Variants in ZNF407 observed in about 807,000 individuals in gnomAD.
ZNF407 encodes zinc finger protein 407.
In ZNF407, 17 loss-of-function variants were observed where a neutral mutation model predicts 131.2. The observed-to-expected ratio is 0.13, with a 90% CI of 0.09 to 0.19. ZNF407 has a LOEUF of 0.19. Ranked by LOEUF, ZNF407 falls within the 10% of genes least tolerant of loss-of-function variation. The pLI is 1.00. For synonymous variants in ZNF407, 1,156 were observed against 1,062.0 expected (o/e 1.09, Z -1.72); for missense variants, 2,681 against 2,830.6 (o/e 0.95, Z 1.20).
intron 1 of ZNF407, among the ~76,000 whole-genome samples, chr18:74,614,658 C>A (rs1316375073): frequency 6.6e-6 from 1 of 152,126 alleles, no homozygotes. Flanking sequence ...CTATCCCAAA[C>A]TTTCTTAATC....
chr18:74,781,515 CT>C lies in ZNF407; in HGVS notation c.4877+22del, dbSNP rs757680979. 296 of 1,460,618 alleles carry C rather than the reference CT, an allele frequency of 2.0e-4. No individual in the cohort carries two copies. Among genetic ancestry groups the C allele is most frequent in the Middle Eastern group, 1.2e-3 (7 of 5,616 alleles). The allele number at this position is 1,460,618 out of a possible 1,614,324, so 90.5% of individuals were successfully genotyped here. A position where few individuals can be genotyped will look rare whatever the true frequency, so the allele number is the denominator to read the frequency against. On this transcript the variant is annotated intron_variant, in intron 4 of 8. Coordinates refer to ENST00000299687, the MANE Select transcript of ZNF407 (RefSeq NM_017757.3). ...CCCCAAAAGAAAGGTAATTTTCATT[CT>C]TTTTTTTTCATTTAAAAATACAATT...
chr18:74,711,508 G>A (rs771432048), intron 3 of ZNF407, among the ~76,000 whole-genome samples: 9 of 152,192 alleles, frequency 5.9e-5, no homozygotes, highest in Non-Finnish European at 1.3e-4. Flanking sequence ...GAGCCAGCAA[G>A]TGTGGGGGAC....
At chr18:74,630,393 G>C (rs757600229) in intron 1 of ZNF407, among the ~76,000 whole-genome samples, 2 of 152,100 alleles carry the variant, frequency 1.3e-5, no homozygotes, top group South Asian at 2.1e-4. Context: ...GGATGGTCTC[G>C]ATCTCCTGAC....
chr18:74,850,786 C>T (rs890310464), intron 4 of ZNF407, among the ~76,000 whole-genome samples: 7 of 152,166 alleles, frequency 4.6e-5, no homozygotes, highest in Non-Finnish European at 1.5e-5. Flanking sequence ...CACTGACCTT[C>T]GTGTTCCGTA....
chr18:74,945,126 T>G (rs1165893139), intron 8 of ZNF407, among the ~76,000 whole-genome samples: 4 of 151,954 alleles, frequency 2.6e-5, no homozygotes. Context: ...TTAACCCGGG[T>G]AGAAGTGTAT....
intron 3 of ZNF407, among the ~76,000 whole-genome samples, chr18:74,759,034 G>A (rs536467937): frequency 2.0e-5 from 3 of 152,074 alleles, no homozygotes; most frequent in Non-Finnish European, 4.4e-5. Context: ...CTGGCTGATG[G>A]TGTTTTTTGT....
chr18:74,911,991 G>A (rs912091657), intron 7 of ZNF407, among the ~76,000 whole-genome samples: 1 of 152,082 alleles, frequency 6.6e-6, no homozygotes, highest in Non-Finnish European at 1.5e-5. Context: ...AGACCTGATT[G>A]TTGCCAGTAT....
At chr18:74,793,005 A>G (rs1303031428) in intron 4 of ZNF407, among the ~76,000 whole-genome samples, 1 of 152,228 alleles carries the variant, frequency 6.6e-6, no homozygotes, top group African/African-American at 2.4e-5. Flanking sequence ...TTTAACATCC[A>G]TAACATTGTC....
chr18:75,043,662 G>A (rs148217898), intron 8 of ZNF407, among the ~76,000 whole-genome samples: 267 of 152,304 alleles, frequency 1.8e-3, no homozygotes, highest in Middle Eastern at 3.4e-3. Context: ...TGCAAGTGCC[G>A]TGTTGTCTTA....
intron 4 of ZNF407, among the ~76,000 whole-genome samples, chr18:74,833,878 T>C (rs1172968026): frequency 2.6e-5 from 4 of 152,150 alleles, no homozygotes; most frequent in Non-Finnish European, 5.9e-5. Context: ...GTTTGGGGAC[T>C]GTGAGGTAGG....
At position 74,631,755 on chromosome 18, in the gene ZNF407, T is replaced by C; in HGVS notation, c.736T>C (p.Cys246Arg). The change falls in exon 2 of 9, where the codon TGT becomes CGT. Residue 246 changes from cysteine to arginine, a missense_variant. Physicochemically the swap from Cys to Arg is radical, Grantham distance 180 (BLOSUM62 -3). Transcript: ENST00000299687. ...ACATGGGCCACAGAAGGTCTTTTCC[T>C]GTGATCTTTGTGGTTTTCAGTGTTC... ...QAHGPQKVFS[C>R]DLCGFQCSEE... The C allele has an allele frequency of 3.7e-6, 6 of 1,614,080 alleles. No homozygotes were observed. Among genetic ancestry groups the C allele is most frequent in the Non-Finnish European group, 5.1e-6 (6 of 1,179,906 alleles).
At chr18:74,667,642 G>A (rs1985983361) in intron 3 of ZNF407, among the ~76,000 whole-genome samples, 1 of 152,216 alleles carries the variant, frequency 6.6e-6, no homozygotes, top group Non-Finnish European at 1.5e-5. Flanking sequence ...TGTGCTTGTA[G>A]CTCATTGAGG....
At chr18:74,913,443 G>A (rs989634500) in intron 7 of ZNF407, among the ~76,000 whole-genome samples, 2 of 152,194 alleles carry the variant, frequency 1.3e-5, no homozygotes, top group Non-Finnish European at 2.9e-5. Context: ...TTCGGTGTTC[G>A]ATACGGCGAG....
At chr18:74,761,902 C>G (rs1052547270) in intron 3 of ZNF407, among the ~76,000 whole-genome samples, 2 of 152,080 alleles carry the variant, frequency 1.3e-5, no homozygotes, top group African/African-American at 4.8e-5. Context: ...TGTCTGTATA[C>G]TTTTGTCATG....
chr18:74,754,076 A>G (rs1175714552), intron 3 of ZNF407, among the ~76,000 whole-genome samples: 1 of 152,116 alleles, frequency 6.6e-6, no homozygotes, highest in African/African-American at 2.4e-5. Flanking sequence ...TAGTCTTGGG[A>G]GAGTGTATGT....
intron 8 of ZNF407, among the ~76,000 whole-genome samples, chr18:74,957,591 A>G (rs948112322): frequency 1.3e-5 from 2 of 152,196 alleles, no homozygotes; most frequent in African/African-American, 4.8e-5. Context: ...TGTAGTAAGT[A>G]TCTAATTAGT....
chr18:74,598,472 C>T (rs771539768), intron 1 of ZNF407: 2 of 152,320 alleles, frequency 1.3e-5, no homozygotes, highest in Non-Finnish European at 2.9e-5. Flanking sequence ...AGCTGCACAG[C>T]TGCAAGCTTT....
At chr18:74,916,103 C>T (rs1199122350) in intron 7 of ZNF407, among the ~76,000 whole-genome samples, 7 of 5,704 alleles carry the variant, frequency 1.2e-3, no homozygotes, top group Admixed American at 2.4e-3. Flanking sequence ...TTGTGTGCAG[C>T]ATTGGTTCGA....
At chr18:74,944,710 C>A (rs1436700293) in intron 8 of ZNF407, among the ~76,000 whole-genome samples, 2 of 152,172 alleles carry the variant, frequency 1.3e-5, no homozygotes, top group Non-Finnish European at 2.9e-5. Context: ...GATGCCCAAG[C>A]AAGTGATAGC....
Sources: gnomAD v4.1 joint callset for allele counts (sites outside exome capture counted in the v4.1 genomes callset) on GRCh38, gnomAD v4.1.1 for gene constraint, MANE v1.5 for transcripts, NCBI Gene and HGNC (gene_info 2026-07-23, HGNC 2026-07-21) for gene names.